Variants in THAP4 observed in about 807,000 individuals in gnomAD.
THAP4 encodes the protein THAP domain containing 4, also known as peroxynitrite isomerase THAP4.
A neutral mutation model predicts 48.1 loss-of-function variants in THAP4; 18 were observed. The observed-to-expected ratio is 0.37, with a 90% CI of 0.26 to 0.56. The LOEUF is 0.56. Ranked by LOEUF, THAP4 falls within the 20% of genes least tolerant of loss-of-function variation. THAP4 has a pLI of 0.78. For synonymous variants in THAP4, 345 were observed against 324.9 expected, an observed-to-expected ratio of 1.06 and a Z score of -0.66; for missense variants, 656 against 774.9, an observed-to-expected ratio of 0.85 and a Z score of 1.82.
chr2:241,584,864 C>T (rs1447402368), intron 5 of THAP4, 139 bp from the exon 6 acceptor site: 9 of 1,050,500 alleles, frequency 8.6e-6, no homozygotes, highest in African/African-American at 1.6e-5. Flanking sequence ...GGTAGACACA[C>T]AGCCCAGGGC....
intron 5 of THAP4, among the ~76,000 whole-genome samples, chr2:241,588,814 T>A (rs2066922055): frequency 6.6e-6 from 1 of 152,094 alleles, no homozygotes; most frequent in South Asian, 2.1e-4. Context: ...TAAAACTTCT[T>A]GAAGAAAATG....
At chr2:241,603,476 G>A (rs1188806759) in intron 3 of THAP4, among the ~76,000 whole-genome samples, 1 of 142,520 alleles carries the variant, frequency 7.0e-6, no homozygotes, top group Non-Finnish European at 1.6e-5. Context: ...CTGAAGACGG[G>A]CTGTTCCAGC....
Sources: gnomAD v4.1 joint callset for allele counts (sites outside exome capture counted in the v4.1 genomes callset) on GRCh38, gnomAD v4.1.1 for gene constraint, MANE v1.5 for transcripts, NCBI Gene and HGNC (gene_info 2026-07-23, HGNC 2026-07-21) for gene names.